The following ARB2A variants were observed in gnomAD, a reference collection of about 807,000 sequenced individuals.
ARB2A encodes ARB2 cotranscriptional regulator A, also known as cotranscriptional regulator ARB2A.
the ARB2A span, among the ~76,000 whole-genome samples, chr5:94,105,516 T>C: frequency 1.3e-5 from 2 of 152,138 alleles, no homozygotes; most frequent in Non-Finnish European, 2.9e-5. Context: ...TCCTTACTCA[T>C]GGATAGGAAG....
At chr5:94,049,756 A>G in the ARB2A span, among the ~76,000 whole-genome samples, 1 of 152,270 alleles carries the variant, frequency 6.6e-6, no homozygotes, top group Non-Finnish European at 1.5e-5. Flanking sequence ...GGCAGGTGCA[A>G]GTTGCAGTGA....
the ARB2A span, among the ~76,000 whole-genome samples, chr5:93,811,500 T>C: frequency 6.6e-6 from 1 of 152,100 alleles, no homozygotes; most frequent in African/African-American, 2.4e-5. Context: ...CAGAGAAATG[T>C]AGAATTGAAC....
At chr5:94,010,749 AC>A in the ARB2A span, among the ~76,000 whole-genome samples, 2 of 152,076 alleles carry the variant, frequency 1.3e-5, no homozygotes, top group Non-Finnish European at 2.9e-5. Context: ...ATATAGAACC[AC>A]CAAAAAGTAT....
At chr5:94,073,822 G>T in the ARB2A span, among the ~76,000 whole-genome samples, 2 of 152,068 alleles carry the variant, frequency 1.3e-5, no homozygotes, top group Non-Finnish European at 2.9e-5. Context: ...TCTGCTGAAA[G>T]TTCTCCAATC....
the ARB2A span, among the ~76,000 whole-genome samples, chr5:93,794,328 A>G: frequency 6.6e-6 from 1 of 151,804 alleles, no homozygotes; most frequent in African/African-American, 2.4e-5. Flanking sequence ...TTCATATCCT[A>G]TATCATGTGT....
At chr5:93,629,337 G>T in the ARB2A span, among the ~76,000 whole-genome samples, 2 of 151,424 alleles carry the variant, frequency 1.3e-5, no homozygotes, top group Non-Finnish European at 2.9e-5. Context: ...ATAAAGAAAA[G>T]GTCTGAAATA....
At chr5:93,916,222 A>G in the ARB2A span, among the ~76,000 whole-genome samples, 1 of 152,142 alleles carries the variant, frequency 6.6e-6, no homozygotes, top group Non-Finnish European at 1.5e-5. Flanking sequence ...CTGATAGCAC[A>G]TAAGCATGAA....
the ARB2A span, chr5:94,053,313 C>A: frequency 5.5e-6 from 4 of 733,140 alleles, no homozygotes; most frequent in Non-Finnish European, 6.4e-6. Context: ...TTAAAGTATT[C>A]TTTGTTCTAT....
chr5:93,706,379 C>T, the ARB2A span, among the ~76,000 whole-genome samples: 3 of 152,084 alleles, frequency 2.0e-5, no homozygotes, highest in African/African-American at 4.8e-5. Context: ...TTAGTGGTTG[C>T]CAGGGACTGA....
At chr5:93,622,727 T>G in the ARB2A span, among the ~76,000 whole-genome samples, 1 of 152,178 alleles carries the variant, frequency 6.6e-6, no homozygotes, top group Admixed American at 6.5e-5. Context: ...GGTCATTTTA[T>G]TTGCTTACTC....
the ARB2A span, among the ~76,000 whole-genome samples, chr5:94,098,435 A>T: frequency 1.2e-3 from 180 of 152,354 alleles, no homozygotes; most frequent in African/African-American, 4.1e-3. Context: ...CTTGAAAATA[A>T]TGAGAACAAA....
At chr5:93,778,122 A>G in the ARB2A span, among the ~76,000 whole-genome samples, 1 of 152,202 alleles carries the variant, frequency 6.6e-6, no homozygotes, top group African/African-American at 2.4e-5. Flanking sequence ...TTTTTCATGC[A>G]TTACAAAAGC....
At chr5:93,627,496 G>T in the ARB2A span, among the ~76,000 whole-genome samples, 1 of 145,978 alleles carries the variant, frequency 6.9e-6, no homozygotes, top group South Asian at 2.1e-4. Context: ...TACTGCTGGA[G>T]TGCAGTGGCA....
At chr5:94,061,629 T>G in the ARB2A span, among the ~76,000 whole-genome samples, 1 of 152,194 alleles carries the variant, frequency 6.6e-6, no homozygotes, top group African/African-American at 2.4e-5. Flanking sequence ...CACACAAAAC[T>G]TAATTGTATT....
the ARB2A span, among the ~76,000 whole-genome samples, chr5:94,064,431 T>C: frequency 6.6e-6 from 1 of 152,308 alleles, no homozygotes; most frequent in South Asian, 2.1e-4. Flanking sequence ...CCCTATTTAA[T>C]AAATAGCTAA....
chr5:94,030,912 A>G, the ARB2A span, among the ~76,000 whole-genome samples: 1 of 152,146 alleles, frequency 6.6e-6, no homozygotes, highest in African/African-American at 2.4e-5. Context: ...CTCCTCCACC[A>G]TGTTATGATG....
At chr5:93,985,974 T>C in the ARB2A span, among the ~76,000 whole-genome samples, 1 of 147,142 alleles carries the variant, frequency 6.8e-6, no homozygotes, top group Non-Finnish European at 1.5e-5. Context: ...ATCTAGGAAG[T>C]GAGGAGCGTC....
chr5:93,699,349 C>T, the ARB2A span, among the ~76,000 whole-genome samples: 6 of 152,164 alleles, frequency 3.9e-5, no homozygotes, highest in East Asian at 5.8e-4. Flanking sequence ...TAGTTTGGTT[C>T]GCAAAAAAGT....
chr5:93,930,558 A>C, the ARB2A span, among the ~76,000 whole-genome samples: 3 of 152,220 alleles, frequency 2.0e-5, no homozygotes, highest in Admixed American at 6.5e-5. Flanking sequence ...TAAAAATTTC[A>C]ATAGGCAGAG....
Sources: gnomAD v4.1 joint callset for allele counts (sites outside exome capture counted in the v4.1 genomes callset) on GRCh38, gnomAD v4.1.1 for gene constraint, MANE v1.5 for transcripts, NCBI Gene and HGNC (gene_info 2026-07-23, HGNC 2026-07-21) for gene names.